The following SHROOM3 variants were observed in gnomAD, a reference collection of about 807,000 sequenced individuals.
SHROOM3 encodes the protein shroom family member 3, also known as protein Shroom3.
SHROOM3 carries 47 observed loss-of-function variants against 138.6 expected under a neutral mutation model. The ratio of observed to expected loss-of-function variants is 0.34; its 90% CI spans 0.27 to 0.43. The LOEUF is 0.43. Ranked by LOEUF, SHROOM3 falls within the 20% of genes least tolerant of loss-of-function variation. The pLI is 1.00. For synonymous variants in SHROOM3, 1,062 were observed against 1,063.3 expected (o/e 1.00, Z 0.02); for missense variants, 2,491 against 2,596.5 (o/e 0.96, Z 0.88).
intron 2 of SHROOM3, among the ~76,000 whole-genome samples, chr4:76,626,471 C>T (rs771862293): frequency 5.3e-5 from 8 of 152,168 alleles, no homozygotes; most frequent in Admixed American, 6.5e-5. Flanking sequence ...TCAAACACTG[C>T]TTACCATTCA....
At chr4:76,578,727 C>G (rs1447614328) in intron 2 of SHROOM3, among the ~76,000 whole-genome samples, 1 of 151,982 alleles carries the variant, frequency 6.6e-6, no homozygotes, top group African/African-American at 2.4e-5. Flanking sequence ...TCATTTTTAC[C>G]CTTTACATAG....
intron 2 of SHROOM3, among the ~76,000 whole-genome samples, chr4:76,629,284 G>A (rs1036643321): frequency 1.3e-5 from 2 of 152,206 alleles, no homozygotes; most frequent in East Asian, 3.9e-4. Context: ...ACCATGCCTG[G>A]TCTGTTTGAA....
intron 4 of SHROOM3, among the ~76,000 whole-genome samples, chr4:76,733,362 A>G (rs773656211): frequency 2.0e-5 from 3 of 152,092 alleles, no homozygotes. Flanking sequence ...TGTATCTACC[A>G]CTCTGTCTCT....
At position 76,770,324 on chromosome 4, in the gene SHROOM3, CAAAAAAAAAA is replaced by C. The variant is rs529468839; in HGVS notation, c.5350-284_5350-275del. On this transcript the variant is annotated intron_variant, in intron 9 of 10. Transcript: ENST00000296043. The stretch of plus-strand genomic sequence containing the variant: ...GGGTGACAAGAGCCAAACTCTGTCT[CAAAAAAAAAA>C]AAAAAAAAAAAAAAAAACAGAAGAC... Among the ~76,000 whole-genome samples, 74 of 36,100 alleles carry C rather than the reference CAAAAAAAAAA, an allele frequency of 2.0e-3. No individual in the cohort carries two copies. In the Middle Eastern group the frequency reaches 0.08, roughly 39 times the overall value. The allele number at this position is 36,100 out of a possible 152,430, so 23.7% of individuals were successfully genotyped here.
intron 2 of SHROOM3, among the ~76,000 whole-genome samples, chr4:76,568,756 T>TA (rs1171092516): frequency 6.6e-6 from 1 of 152,160 alleles, no homozygotes; most frequent in Non-Finnish European, 1.5e-5. Context: ...GTCACCTTGT[T>TA]ATTTGGAGGT....
chr4:76,758,051 G>C (rs1721878930), intron 8 of SHROOM3: 1 of 152,214 alleles, frequency 6.6e-6, no homozygotes, highest in Admixed American at 6.5e-5. Context: ...ATACTTACAA[G>C]CTATTTGTCA....
chr4:76,701,575 A>C (rs1003858085), intron 2 of SHROOM3, among the ~76,000 whole-genome samples: 8 of 152,246 alleles, frequency 5.3e-5, no homozygotes, highest in Non-Finnish European at 1.0e-4. Flanking sequence ...ATAATCTGGT[A>C]TTAAAGTAAT....
At chr4:76,442,414 T>G (rs1730710142) in intron 1 of SHROOM3, among the ~76,000 whole-genome samples, 1 of 147,332 alleles carries the variant, frequency 6.8e-6, no homozygotes, top group African/African-American at 2.5e-5. Context: ...GTTTTTTTTT[T>G]TTTTTTTTTT....
chr4:76,559,715 TTTGGGATTG>T (rs1733561325), intron 2 of SHROOM3: 1 of 152,148 alleles, frequency 6.6e-6, no homozygotes. Context: ...TTATATAAGT[TTTGGGATTG>T]TCTTACCCAG....
chr4:76,740,216 C>T lies in SHROOM3; in HGVS notation c.2043C>T (p.Gly681=), dbSNP rs773379308. The T allele has an allele frequency of 3.7e-6, 6 of 1,613,432 alleles. No homozygotes were observed. Among genetic ancestry groups the T allele is most frequent in the Non-Finnish European group, 4.2e-6 (5 of 1,180,050 alleles). Reference sequence around the variant, plus strand: ...GAAGACACAGCAGCCTGGAGCTAGGCCGGGGAACCCAGGAGGGTTACCCCG... The same window carrying T: ...GAAGACACAGCAGCCTGGAGCTAGGTCGGGGAACCCAGGAGGGTTACCCCG... ...SLRRHSSLEL[G]RGTQEGYPGG... Residue 681 remains glycine, a synonymous_variant, in exon 5 of 11, where the codon GGC becomes GGT. Transcript: ENST00000296043. This position sits in a 1 kb window ranked among gnomAD's most constrained non-coding sequence, Gnocchi z 4.0.
intron 2 of SHROOM3, among the ~76,000 whole-genome samples, chr4:76,600,186 A>C (rs1246847332): frequency 6.6e-6 from 1 of 152,116 alleles, no homozygotes; most frequent in Non-Finnish European, 1.5e-5. Context: ...CAAAAAATAA[A>C]CAACCAACTT....
chr4:76,493,120 C>G (rs570751095), intron 1 of SHROOM3, among the ~76,000 whole-genome samples: 2 of 149,708 alleles, frequency 1.3e-5, no homozygotes, highest in African/African-American at 4.9e-5. Context: ...ACTCGGGAGG[C>G]TGAGGCAGGA....
At chr4:76,761,906 GT>G (rs1721998257) in intron 9 of SHROOM3, among the ~76,000 whole-genome samples, 7 of 152,214 alleles carry the variant, frequency 4.6e-5, no homozygotes, top group African/African-American at 1.7e-4. Flanking sequence ...ATAAACATTT[GT>G]TTCATGAAGT....
intron 6 of SHROOM3, among the ~76,000 whole-genome samples, chr4:76,753,385 T>G (rs1328864486): frequency 6.6e-6 from 1 of 152,212 alleles, no homozygotes; most frequent in Non-Finnish European, 1.5e-5. Context: ...TGCTCTGATG[T>G]GGGACTGAGT....
intron 4 of SHROOM3, among the ~76,000 whole-genome samples, chr4:76,736,933 C>G (rs995501981): frequency 3.9e-5 from 6 of 152,162 alleles, no homozygotes; most frequent in African/African-American, 1.4e-4. Flanking sequence ...ATCATAATCA[C>G]CCAAAGTCCA....
intron 2 of SHROOM3, among the ~76,000 whole-genome samples, chr4:76,600,788 C>T (rs993290591): frequency 1.1e-4 from 17 of 152,018 alleles, no homozygotes; most frequent in African/African-American, 3.4e-4. Context: ...TGAAAACAAA[C>T]GAGTATTTTT....
intron 2 of SHROOM3, among the ~76,000 whole-genome samples, chr4:76,615,955 C>T (rs1181822087): frequency 2.6e-5 from 4 of 152,100 alleles, no homozygotes; most frequent in Non-Finnish European, 5.9e-5. Flanking sequence ...GGAGAGAAGA[C>T]TCAGAGGGGT....
At chr4:76,457,692 A>G (rs1401609514) in intron 1 of SHROOM3, among the ~76,000 whole-genome samples, 5 of 151,332 alleles carry the variant, frequency 3.3e-5, no homozygotes, top group Non-Finnish European at 7.4e-5. Context: ...GGGTTTCACC[A>G]TGTTGGCCAG....
In SHROOM3 at chr4:76,754,422, T is replaced by C. The variant is rs1721733610; in HGVS notation, c.3939T>C (p.Pro1313=). Reference sequence around the variant, plus strand: ...AAGCCATTGGTGATTCCTCCGTTCCTAGTGAATGTCCTGGAACCCTGGACC... The same window carrying C: ...AAGCCATTGGTGATTCCTCCGTTCCCAGTGAATGTCCTGGAACCCTGGACC... The part of the protein sequence containing the change: ...GCKAIGDSSV[P]SECPGTLDHQ... The change falls in exon 7 of 11, where the codon CCT becomes CCC. Residue 1313 remains proline, a synonymous_variant. Transcript: ENST00000296043. 6.2e-7 allele frequency: 1 copy of C among 1,614,148 alleles called. No homozygotes were observed. Among genetic ancestry groups the C allele is most frequent in the Non-Finnish European group, 8.5e-7 (1 of 1,180,014 alleles).
Sources: allele counts gnomAD v4.1 joint callset (sites outside exome capture counted in the v4.1 genomes callset), GRCh38; gene constraint gnomAD v4.1.1; non-coding constraint Gnocchi (gnomAD v3.1); transcripts MANE v1.5; gene names NCBI Gene and HGNC (gene_info 2026-07-23, HGNC 2026-07-21).